Variants in DNAJC13 observed in about 807,000 individuals in gnomAD.
DNAJC13 encodes DnaJ heat shock protein family (Hsp40) member C13.
A neutral mutation model predicts 290.5 loss-of-function variants in DNAJC13; 75 were observed. The ratio of observed to expected loss-of-function variants is 0.26; its 90% CI spans 0.21 to 0.31. The LOEUF is 0.31. Among genes scored for constraint, DNAJC13 ranks in the 10% least tolerant of loss-of-function variants. DNAJC13 has a pLI of 1.00. For synonymous variants in DNAJC13, 862 were observed against 892.0 expected (o/e 0.97, Z 0.60); for missense variants, 2,260 against 2,674.5 (o/e 0.85, Z 3.42).
At chr3:132,501,926 T>C (rs1196298277) in intron 39 of DNAJC13, among the ~76,000 whole-genome samples, 1 of 152,208 alleles carries the variant, frequency 6.6e-6, no homozygotes, top group East Asian at 1.9e-4. Flanking sequence ...ATAAATCTTT[T>C]AACAACTGCA....
Position 132,499,817 on chromosome 3 carries a change from A to C in DNAJC13, c.4416+9A>C, listed in dbSNP as rs1177625380. On this transcript the variant is annotated intron_variant, in intron 38 of 55. Transcript: ENST00000260818. Reference sequence around the variant, plus strand: ...GTGACATGTCAGTACAGGTGAGGCTAAAACCTGTGGTTCCAAGAAAATTGC... The same window carrying C: ...GTGACATGTCAGTACAGGTGAGGCTCAAACCTGTGGTTCCAAGAAAATTGC... 1 of 1,611,542 alleles carries C rather than the reference A, an allele frequency of 6.2e-7. No homozygotes were observed. Among genetic ancestry groups the C allele is most frequent in the Non-Finnish European group, 8.5e-7 (1 of 1,178,626 alleles).
intron 13 of DNAJC13, 111 bp from the exon 14 acceptor site, chr3:132,460,139 G>C (rs1933740776): frequency 3.2e-6 from 2 of 617,734 alleles, no homozygotes; most frequent in Non-Finnish European, 5.3e-6. Context: ...AAAGGCAATG[G>C]TTTTTAATTC....
chr3:132,490,002 T>G (rs1325514532), intron 31 of DNAJC13, among the ~76,000 whole-genome samples: 2 of 152,202 alleles, frequency 1.3e-5, no homozygotes, highest in Admixed American at 1.3e-4. Flanking sequence ...TTTGAATAAT[T>G]ATAGCAAAAC....
intron 48 of DNAJC13, among the ~76,000 whole-genome samples, chr3:132,521,858 A>G (rs1005435098): frequency 3.3e-5 from 5 of 152,198 alleles, no homozygotes; most frequent in Non-Finnish European, 1.5e-5. Flanking sequence ...ATGCCCTTCC[A>G]TGGGAACCCC....
intron 1 of DNAJC13, among the ~76,000 whole-genome samples, chr3:132,424,021 A>G (rs1939029000): frequency 2.6e-5 from 4 of 152,200 alleles, no homozygotes; most frequent in South Asian, 2.1e-4. Context: ...CAGAAATAGT[A>G]TAGTTTGTTC....
intron 25 of DNAJC13, among the ~76,000 whole-genome samples, chr3:132,479,521 A>G (rs1397552760): frequency 6.6e-6 from 1 of 152,180 alleles, no homozygotes; most frequent in Non-Finnish European, 1.5e-5. Context: ...AAAATTCTGA[A>G]TGACGAATAA....
Position 132,483,508 on chromosome 3 carries a change from TG to T in DNAJC13, c.3114del (p.Asn1039MetfsTer10). The T allele has an allele frequency of 6.2e-7, 1 of 1,614,166 alleles. No homozygotes were observed. The highest frequency in any genetic ancestry group is 8.5e-7 in the Non-Finnish European group (1 of 1,179,994). On this transcript the variant is annotated frameshift_variant, in exon 28 of 56. Coordinates refer to ENST00000260818, the MANE Select transcript of DNAJC13 (RefSeq NM_015268.4). LOFTEE classifies it high-confidence loss of function. ...WCLLASGQAV[L>X]NETDLATLIL... ...CTCTTAGCCAGTGGACAGGCTGTCC[TG>T]AATGAAACTGACCTTGCTACCCTTA...
intron 17 of DNAJC13, among the ~76,000 whole-genome samples, chr3:132,465,570 G>A (rs1042600860): frequency 1.3e-5 from 2 of 152,022 alleles, no homozygotes; most frequent in East Asian, 1.9e-4. Flanking sequence ...TTGCCAAAAC[G>A]GTTATATTAG....
intron 17 of DNAJC13, among the ~76,000 whole-genome samples, chr3:132,464,422 T>C (rs753166360): frequency 2.0e-5 from 3 of 152,212 alleles, no homozygotes; most frequent in Non-Finnish European, 4.4e-5. Flanking sequence ...TTCAGCTATC[T>C]TAAGCATACT....
intron 20 of DNAJC13, among the ~76,000 whole-genome samples, chr3:132,470,905 T>C (rs1576480068): frequency 8.9e-6 from 1 of 112,556 alleles, no homozygotes; most frequent in Non-Finnish European, 1.9e-5. Context: ...CCCCCCCACC[T>C]CCCTCCCGGA....
In DNAJC13 at chr3:132,502,351, G is replaced by C. The variant is rs1235475896; in HGVS notation, c.4599G>C (p.Trp1533Cys). Residue 1533 changes from tryptophan to cysteine, a missense_variant, in exon 40 of 56, where the codon TGG (tryptophan) becomes TGC (cysteine). Coordinates refer to ENST00000260818, the MANE Select transcript of DNAJC13 (RefSeq NM_015268.4). ...TCAGTTCTTTTGCTGTGGATTTCTGGCTACAGACACACCTATTTCAGGCTG... is the reference window on the plus strand; with the variant it reads ...TCAGTTCTTTTGCTGTGGATTTCTGCCTACAGACACACCTATTTCAGGCTG... ...ECVSSFAVDFWLQTHLFQAGI... is the reference protein window; with the variant it reads ...ECVSSFAVDFCLQTHLFQAGI... 10 of 1,613,614 alleles carry C rather than the reference G, an allele frequency of 6.2e-6. No individual in the cohort carries two copies. Among genetic ancestry groups the C allele is most frequent in the Middle Eastern group, 1.7e-4 (1 of 6,060 alleles).
At chr3:132,480,535 A>T in intron 26 of DNAJC13, 65 bp downstream of exon 26, 1 of 1,178,396 alleles carries the variant, frequency 8.5e-7, no homozygotes, top group Non-Finnish European at 1.2e-6. Flanking sequence ...GAGGCAAAAG[A>T]ATCATAGAAA....
At chr3:132,467,334 C>A (rs1447224914) in intron 20 of DNAJC13, 21 bp downstream of exon 20, 4 of 1,610,884 alleles carry the variant, frequency 2.5e-6, no homozygotes, top group Admixed American at 1.7e-5. Flanking sequence ...AATTTGCTTC[C>A]AAATTCCTGG....
At chr3:132,484,875 T>G (rs1206448292) in intron 29 of DNAJC13, among the ~76,000 whole-genome samples, 1 of 151,808 alleles carries the variant, frequency 6.6e-6, no homozygotes, top group African/African-American at 2.4e-5. Context: ...TCGAGACCAC[T>G]TTGGTCAACA....
intron 55 of DNAJC13, among the ~76,000 whole-genome samples, chr3:132,534,529 A>G (rs1472594442): frequency 2.0e-5 from 3 of 152,172 alleles, no homozygotes; most frequent in Non-Finnish European, 2.9e-5. Context: ...ATGTTGGTGC[A>G]TGCCTGTAGT....
At chr3:132,429,969 TTGTAC>T (rs1218824377) in intron 1 of DNAJC13, among the ~76,000 whole-genome samples, 1 of 152,188 alleles carries the variant, frequency 6.6e-6, no homozygotes, top group East Asian at 1.9e-4. Flanking sequence ...ACATAGGAAC[TTGTAC>T]TGATGATATG....
At chr3:132,451,849 GT>G (rs986659295) in intron 6 of DNAJC13, among the ~76,000 whole-genome samples, 1 of 152,148 alleles carries the variant, frequency 6.6e-6, no homozygotes, top group East Asian at 1.9e-4. Context: ...AATATAGTTG[GT>G]TCTTCAGAGT....
At chr3:132,523,439 T>C in intron 50 of DNAJC13, 101 bp from the exon 51 acceptor site, 1 of 1,364,390 alleles carries the variant, frequency 7.3e-7, no homozygotes, top group Non-Finnish European at 1.0e-6. Context: ...TTATGGCTGT[T>C]TGTGGACTGG....
chr3:132,495,154 T>C lies in DNAJC13; in HGVS notation c.4008T>C (p.Asn1336=). ...RLAQKYHPDK[N]PEGRDMFEKV... ...CACAAAAGTACCACCCTGATAAGAATCCAGAAGGGAGGGTATGTACTGCTG... is the reference window on the plus strand; with the variant it reads ...CACAAAAGTACCACCCTGATAAGAACCCAGAAGGGAGGGTATGTACTGCTG... The change falls in exon 35 of 56, where the codon AAT becomes AAC. Residue 1336 remains asparagine, a synonymous_variant. Transcript: ENST00000260818. The C allele has an allele frequency of 1.2e-6, 2 of 1,613,298 alleles. No homozygotes were observed. The highest frequency in any genetic ancestry group is 1.7e-6 in the Non-Finnish European group (2 of 1,179,402).
Sources: allele counts gnomAD v4.1 joint callset (sites outside exome capture counted in the v4.1 genomes callset), GRCh38; gene constraint gnomAD v4.1.1; transcripts MANE v1.5; gene names NCBI Gene and HGNC (gene_info 2026-07-23, HGNC 2026-07-21).